The following CTTN variants were observed in gnomAD, a reference collection of about 807,000 sequenced individuals.
CTTN encodes the protein src substrate cortactin.
A neutral mutation model predicts 84.0 loss-of-function variants in CTTN; 28 were observed. That is an observed-to-expected ratio of 0.33 (90% CI 0.25 to 0.46). CTTN has a LOEUF of 0.46. Ranked by LOEUF, CTTN falls within the 20% of genes least tolerant of loss-of-function variation. CTTN has a pLI of 1.00. For missense variants in CTTN, 641 were observed against 723.8 expected (o/e 0.89, Z 1.31); for synonymous variants, 301 against 288.8 (o/e 1.04, Z -0.43).
chr11:70,411,942 C>T lies in CTTN; in HGVS notation c.291+1982C>T, dbSNP rs183861667. Among the ~76,000 whole-genome samples the T allele has an allele frequency of 6.0e-4, 91 of 152,292 alleles. 2 individuals are homozygous for T. The East Asian group carries it at 0.013, about 21-fold the overall frequency. ...GCCTGGCTCAGTGCCACGTGCCCCC[C>T]CCTTAGGCCAGTGCTCTCATGGAAC... On this transcript the variant is annotated intron_variant, in intron 5 of 17. Transcript: ENST00000301843.
Position 70,420,387 on chromosome 11 carries a change from A to G in CTTN, c.680-13A>G, listed in dbSNP as rs769796786. The stretch of plus-strand genomic sequence containing the variant: ...TGTTAATGATGGGTTCTGGCCTTTC[A>G]TTGTGCATGTAGACTATGTGAAAGG... On this transcript the variant is annotated splice_polypyrimidine_tract_variant and intron_variant, in intron 9 of 17. Transcript: ENST00000301843. 6.3e-7 allele frequency: 1 copy of G among 1,591,366 alleles called. No homozygotes were observed. The highest frequency in any genetic ancestry group is 8.6e-7 in the Non-Finnish European group (1 of 1,159,124).
At chr11:70,415,880 T>A (rs545040325) in intron 7 of CTTN, 163 bp downstream of exon 7, 2 of 668,338 alleles carry the variant, frequency 3.0e-6, no homozygotes, top group Non-Finnish European at 5.4e-6. Flanking sequence ...AGGAGGACTC[T>A]GCCCTCCTCT....
At chr11:70,419,975 C>A in intron 9 of CTTN, 119 bp downstream of exon 9, 2 of 732,540 alleles carry the variant, frequency 2.7e-6, no homozygotes, top group Non-Finnish European at 4.5e-6. Context: ...GTCTCTTTTT[C>A]ATGAAATGCC....
intron 5 of CTTN, among the ~76,000 whole-genome samples, chr11:70,412,940 C>A (rs1230137311): frequency 6.6e-6 from 1 of 152,238 alleles, no homozygotes; most frequent in African/African-American, 2.4e-5. Flanking sequence ...CTGATGAAAA[C>A]TCATGCTGGG....
intron 8 of CTTN, 48 bp from the exon 9 acceptor site, chr11:70,419,698 C>CTG (rs771944832): frequency 6.7e-7 from 1 of 1,489,998 alleles, no homozygotes; most frequent in South Asian, 1.2e-5. Context: ...TGCATGTTCA[C>CTG]TGATTTCGTT....
intron 4 of CTTN, 75 bp from the exon 5 acceptor site, chr11:70,409,756 T>C: frequency 2.7e-6 from 4 of 1,484,396 alleles, no homozygotes; most frequent in Non-Finnish European, 3.7e-6. Flanking sequence ...TCACCTGTTC[T>C]TATTTATCAT....
At chr11:70,420,753 G>A (rs528991399) in intron 10 of CTTN, among the ~76,000 whole-genome samples, 2 of 152,318 alleles carry the variant, frequency 1.3e-5, no homozygotes, top group South Asian at 2.1e-4. Context: ...TGGGTTGCAC[G>A]GGCCAAGCCT....
intron 10 of CTTN, among the ~76,000 whole-genome samples, chr11:70,420,859 T>C (rs1466862369): frequency 6.6e-6 from 1 of 151,748 alleles, no homozygotes; most frequent in East Asian, 1.9e-4. Context: ...GTGTCAGGCC[T>C]GCAGCGGGGG....
chr11:70,399,908 GCCCAAGGCC>G (rs1555137851), intron 1 of CTTN, among the ~76,000 whole-genome samples: 1 of 152,188 alleles, frequency 6.6e-6, no homozygotes. Flanking sequence ...GCCCGGCCGG[GCCCAAGGCC>G]GTGGCGCAGG....
At position 70,429,203 on chromosome 11, in the gene CTTN, A is replaced by T. The variant is rs114597496; in HGVS notation, c.1176+4A>T. 2 of 1,609,792 alleles carry T rather than the reference A, an allele frequency of 1.2e-6. No homozygotes were observed. The highest frequency in any genetic ancestry group is 2.2e-5 in the East Asian group (1 of 44,804). On this transcript the variant is annotated splice_donor_region_variant and intron_variant, in intron 14 of 17. Transcript: ENST00000301843. Reference sequence around the variant, plus strand: ...AGAGGCCAGGAGGAAGCTGGAGGTGAGTGGCAAGGAGTGGGCCGCAGCGCA... The same window carrying T: ...AGAGGCCAGGAGGAAGCTGGAGGTGTGTGGCAAGGAGTGGGCCGCAGCGCA...
chr11:70,406,439 A>T (rs1028510153), intron 2 of CTTN, among the ~76,000 whole-genome samples: 2 of 151,994 alleles, frequency 1.3e-5, no homozygotes, highest in South Asian at 4.1e-4. Flanking sequence ...ATTTAAAATA[A>T]TCTCTCAGTT....
intron 1 of CTTN, among the ~76,000 whole-genome samples, chr11:70,400,191 G>A (rs909885453): frequency 6.6e-6 from 1 of 152,164 alleles, no homozygotes; most frequent in Non-Finnish European, 1.5e-5. Context: ...CCTGGGGCAG[G>A]GGTGCGGTGG....
intron 15 of CTTN, among the ~76,000 whole-genome samples, chr11:70,432,642 C>G (rs952147692): frequency 1.3e-5 from 2 of 152,256 alleles, no homozygotes; most frequent in African/African-American, 4.8e-5. Flanking sequence ...CTCAGCTGCT[C>G]TGGAGCCACG....
Position 70,436,304 on chromosome 11 carries a change from A to G in CTTN, c.*1142A>G. The G allele has an allele frequency of 6.3e-7, 1 of 1,598,156 alleles. No individual in the cohort carries two copies. The highest frequency in any genetic ancestry group is 8.5e-7 in the Non-Finnish European group (1 of 1,179,738). On this transcript the variant is annotated 3_prime_UTR_variant, in exon 18 of 18. Coordinates refer to ENST00000301843, the MANE Select transcript of CTTN (RefSeq NM_005231.4). ...TAGGAAACTCATCTCCTTCCTGAGG[A>G]GCCGGGAGGCTGGACCAGTCCCGTC...
chr11:70,433,485 A>G lies in CTTN; in HGVS notation c.1445-162A>G, dbSNP rs1435080147. ...TGTGCTGGGTCCCAGGAAGATCCCC[A>G]TTGTGCTGGGGACGGGTGGGCAGGG... On this transcript the variant is annotated intron_variant, in intron 16 of 17. Coordinates refer to ENST00000301843, the MANE Select transcript of CTTN (RefSeq NM_005231.4). 3.2e-5 allele frequency: 24 copies of G among 744,634 alleles called. No individual in the cohort carries two copies. The Admixed American group carries it at 5.1e-4, about 16-fold the overall frequency. 46.1% of individuals were successfully genotyped at this position (744,634 alleles called of 1,614,324 possible). A position where few individuals can be genotyped will look rare whatever the true frequency, so the allele number is the denominator to read the frequency against.
Position 70,436,274 on chromosome 11 carries a change from C to G in CTTN, c.*1112C>G, listed in dbSNP as rs761446124. ...CTGTCCTGGCATTTGTGGCCACTCACTTTGTAGGAAACTCATCTCCTTCCT... is the reference window on the plus strand; with the variant it reads ...CTGTCCTGGCATTTGTGGCCACTCAGTTTGTAGGAAACTCATCTCCTTCCT... On this transcript the variant is annotated 3_prime_UTR_variant, in exon 18 of 18. Transcript: ENST00000301843. 5 of 1,597,674 alleles carry G rather than the reference C, an allele frequency of 3.1e-6. No individual in the cohort carries two copies. In the Admixed American group the frequency reaches 8.3e-5, roughly 27 times the overall value.
chr11:70,424,968 G>A (rs928968969), intron 12 of CTTN, among the ~76,000 whole-genome samples: 10 of 152,074 alleles, frequency 6.6e-5, no homozygotes, highest in Admixed American at 5.9e-4. Context: ...TGTGTAGGAC[G>A]GGCCACTGGA....
At chr11:70,434,766 C>A (rs2058395698) in intron 17 of CTTN, among the ~76,000 whole-genome samples, 3 of 152,238 alleles carry the variant, frequency 2.0e-5, no homozygotes, top group Admixed American at 1.3e-4. Context: ...TGGTGGAAAC[C>A]TGCTCCTGAG....
At chr11:70,431,119 C>G (rs1159287208) in intron 14 of CTTN, 72 bp from the exon 15 acceptor site, 1 of 1,483,880 alleles carries the variant, frequency 6.7e-7, no homozygotes, top group Non-Finnish European at 9.4e-7. Flanking sequence ...ACACGATCTT[C>G]TGAAACACGG....
Sources: allele counts gnomAD v4.1 joint callset (sites outside exome capture counted in the v4.1 genomes callset), GRCh38; gene constraint gnomAD v4.1.1; transcripts MANE v1.5; gene names NCBI Gene and HGNC (gene_info 2026-07-23, HGNC 2026-07-21).